Variants in INPP4B observed in about 807,000 individuals in gnomAD.
INPP4B encodes inositol polyphosphate 4-phosphatase type II.
INPP4B carries 55 observed loss-of-function variants against 122.5 expected under a neutral mutation model. That is an observed-to-expected ratio of 0.45 (90% CI 0.36 to 0.56). The LOEUF (loss-of-function observed/expected upper bound fraction) is 0.56, where lower values mean the gene tolerates loss of function less well. Among genes scored for constraint, INPP4B ranks in the 20% least tolerant of loss-of-function variants. INPP4B has a pLI of 0.00. For missense variants in INPP4B, 1,000 were observed against 1,097.7 expected (o/e 0.91, Z 1.26); for synonymous variants, 403 against 388.7 (o/e 1.04, Z -0.43).
In INPP4B at chr4:142,302,474, C is replaced by A. The variant is rs1362759828; in HGVS notation, c.503+2984G>T. ...CAGTTAGAAATGTGTGGTTTCATAC[C>A]CTGCCTTTCCCATTTAAGAGCATTA... On this transcript the variant is annotated intron_variant, in intron 9 of 25. Coordinates refer to ENST00000262992, the MANE Select transcript of INPP4B (RefSeq NM_001101669.3). Among the ~76,000 whole-genome samples the A allele has an allele frequency of 9.2e-5, 14 of 151,974 alleles. 1 individual carries two copies. Among genetic ancestry groups the A allele is most frequent in the Admixed American group, 9.2e-4 (14 of 15,236 alleles).
intron 7 of INPP4B, among the ~76,000 whole-genome samples, chr4:142,330,557 G>T (rs1215594390): frequency 6.6e-6 from 1 of 151,752 alleles, no homozygotes; most frequent in Non-Finnish European, 1.5e-5. Flanking sequence ...ACACGCGCAC[G>T]CACACACACA....
At chr4:142,303,591 A>C (rs1382578151) in intron 9 of INPP4B, among the ~76,000 whole-genome samples, 1 of 152,120 alleles carries the variant, frequency 6.6e-6, no homozygotes, top group Non-Finnish European at 1.5e-5. Context: ...AGAAATCAAG[A>C]GGCTACGATA....
chr4:142,711,058 C>A (rs954879035), intron 2 of INPP4B, among the ~76,000 whole-genome samples: 18 of 152,212 alleles, frequency 1.2e-4, no homozygotes, highest in African/African-American at 4.1e-4. Flanking sequence ...AACACCTCTT[C>A]TGGGCCCCAT....
At chr4:142,707,449 G>A (rs1263012076) in intron 2 of INPP4B, among the ~76,000 whole-genome samples, 1 of 152,184 alleles carries the variant, frequency 6.6e-6, no homozygotes, top group Non-Finnish European at 1.5e-5. Flanking sequence ...CTGCAGTGTT[G>A]GAAGAGGGGC....
chr4:142,772,982 G>A (rs1262896368), intron 1 of INPP4B, among the ~76,000 whole-genome samples: 6 of 152,074 alleles, frequency 3.9e-5, no homozygotes, highest in Admixed American at 2.0e-4. Flanking sequence ...GGAGTCAGAG[G>A]TTGCAGTGAG....
chr4:142,092,359 C>T (rs1277662677), intron 23 of INPP4B, among the ~76,000 whole-genome samples: 9 of 140,248 alleles, frequency 6.4e-5, no homozygotes, highest in African/African-American at 1.6e-4. Context: ...GGTGTGACCT[C>T]GGCTCACTGC....
chr4:142,409,926 A>G (rs151268881), intron 5 of INPP4B, among the ~76,000 whole-genome samples: 165 of 152,338 alleles, frequency 1.1e-3, no homozygotes, highest in African/African-American at 3.8e-3. Context: ...GTCCAGAGCT[A>G]AAAGGTGGGA....
At chr4:142,276,467 T>C (rs893962726) in intron 9 of INPP4B, among the ~76,000 whole-genome samples, 11 of 151,826 alleles carry the variant, frequency 7.2e-5, no homozygotes, top group Non-Finnish European at 8.8e-5. Context: ...ACAGTGAATG[T>C]TGAGTAACAA....
At chr4:142,169,557 T>C (rs556945121) in intron 16 of INPP4B, among the ~76,000 whole-genome samples, 5 of 151,852 alleles carry the variant, frequency 3.3e-5, no homozygotes, top group African/African-American at 1.2e-4. Context: ...ACATCCTGAT[T>C]GTATATGTTT....
rs146240160 is a variant in INPP4B at position 142,185,842 on chromosome 4, G to A, written c.1181+7245C>T. Among the ~76,000 whole-genome samples the A allele has an allele frequency of 2.9e-5, 4 of 139,516 alleles. No individual in the cohort carries two copies. In the East Asian group the frequency reaches 6.3e-4, roughly 22 times the overall value. 91.5% of individuals were successfully genotyped at this position (139,516 alleles called of 152,430 possible). On this transcript the variant is annotated intron_variant, in intron 15 of 25. Transcript: ENST00000262992. ...TGCAGTGAGCCGAGATTGCGCCACT[G>A]CACTACCTCCTGGGCGACAGAGCAA...
intron 2 of INPP4B, among the ~76,000 whole-genome samples, chr4:142,585,165 C>G (rs542624682): frequency 6.6e-6 from 1 of 152,078 alleles, no homozygotes; most frequent in South Asian, 2.1e-4. Flanking sequence ...TGCTTAAGGC[C>G]TATTTTGTGC....
At chr4:142,711,242 C>T (rs1763078679) in intron 2 of INPP4B, among the ~76,000 whole-genome samples, 1 of 152,168 alleles carries the variant, frequency 6.6e-6, no homozygotes, top group African/African-American at 2.4e-5. Flanking sequence ...AGAGAGGCCT[C>T]CCAGGCCTCC....
intron 7 of INPP4B, among the ~76,000 whole-genome samples, chr4:142,391,419 G>A (rs752052292): frequency 5.1e-4 from 77 of 152,208 alleles, no homozygotes; most frequent in Non-Finnish European, 9.9e-4. Flanking sequence ...AAAAATAGCC[G>A]GGTGTGGTGG....
At chr4:142,696,617 C>T (rs983786759) in intron 2 of INPP4B, among the ~76,000 whole-genome samples, 9 of 152,148 alleles carry the variant, frequency 5.9e-5, no homozygotes, top group African/African-American at 2.2e-4. Context: ...CTGGCATCTG[C>T]AGTGCCCACT....
intron 2 of INPP4B, among the ~76,000 whole-genome samples, chr4:142,653,966 A>G (rs1753582290): frequency 2.0e-5 from 3 of 152,202 alleles, no homozygotes; most frequent in Non-Finnish European, 2.9e-5. Flanking sequence ...ACTTGGAACC[A>G]ACCCAAATGT....
intron 18 of INPP4B, among the ~76,000 whole-genome samples, chr4:142,127,520 G>A (rs1277913616): frequency 2.6e-5 from 4 of 151,656 alleles, no homozygotes; most frequent in African/African-American, 9.7e-5. Flanking sequence ...GATTGGAAGT[G>A]GAAACCCAGG....
intron 2 of INPP4B, among the ~76,000 whole-genome samples, chr4:142,468,496 T>C (rs1818229560): frequency 6.6e-6 from 1 of 152,208 alleles, no homozygotes; most frequent in Non-Finnish European, 1.5e-5. Flanking sequence ...TCCCAAATGA[T>C]GGAGATGAAG....
intron 1 of INPP4B, among the ~76,000 whole-genome samples, chr4:142,839,108 G>C (rs1000201820): frequency 2.0e-5 from 3 of 152,174 alleles, no homozygotes; most frequent in Non-Finnish European, 2.9e-5. Flanking sequence ...CTCATGAAAA[G>C]CTAAGTTGTT....
chr4:142,579,033 T>C (rs1734444994), intron 2 of INPP4B, among the ~76,000 whole-genome samples: 1 of 151,996 alleles, frequency 6.6e-6, no homozygotes, highest in Non-Finnish European at 1.5e-5. Context: ...ATAACCACAA[T>C]TTTGCTAAAC....
Sources: gnomAD v4.1 joint callset for allele counts (sites outside exome capture counted in the v4.1 genomes callset) on GRCh38, gnomAD v4.1.1 for gene constraint, MANE v1.5 for transcripts, NCBI Gene and HGNC (gene_info 2026-07-23, HGNC 2026-07-21) for gene names.